CEP128: variants seen among roughly 807,000 people sequenced by gnomAD.
The protein encoded by CEP128 is centrosomal protein 128kDa.
CEP128 carries 132 observed loss-of-function variants against 156.7 expected under a neutral mutation model. The ratio of observed to expected loss-of-function variants is 0.84; its 90% CI spans 0.73 to 0.97. The LOEUF (loss-of-function observed/expected upper bound fraction) is 0.97, where lower values mean the gene tolerates loss of function less well. CEP128 is among the 50% of genes least tolerant of loss of function. The probability of loss-of-function intolerance (pLI) is 0.00; values close to 1 mark genes in which losing one functional copy is unlikely to be tolerated. For missense variants in CEP128, 1,252 were observed against 1,281.9 expected (o/e 0.98, Z 0.36); for synonymous variants, 469 against 448.9 (o/e 1.04, Z -0.57).
intron 19 of CEP128, among the ~76,000 whole-genome samples, chr14:80,645,528 G>T (rs186625602): frequency 1.3e-5 from 2 of 152,072 alleles, no homozygotes; most frequent in Non-Finnish European, 2.9e-5. Flanking sequence ...AATAGGATAC[G>T]TAAAATGGAA....
At chr14:80,824,432 T>C (rs914282679) in intron 13 of CEP128, among the ~76,000 whole-genome samples, 4 of 152,350 alleles carry the variant, frequency 2.6e-5, no homozygotes, top group East Asian at 1.9e-4. Flanking sequence ...AAATTCTCCA[T>C]ACTTTTATGC....
At chr14:80,509,405 T>A (rs1888140671) in intron 23 of CEP128, among the ~76,000 whole-genome samples, 1 of 152,256 alleles carries the variant, frequency 6.6e-6, no homozygotes, top group Non-Finnish European at 1.5e-5. Context: ...TGAGCCCATT[T>A]CCTACACCTG....
chr14:80,736,363 C>G (rs1434617515), intron 19 of CEP128, among the ~76,000 whole-genome samples: 1 of 152,064 alleles, frequency 6.6e-6, no homozygotes, highest in Non-Finnish European at 1.5e-5. Context: ...CTTTGCCTTA[C>G]TCATCTCCCT....
At chr14:80,534,999 A>T (rs376272201) in intron 21 of CEP128, among the ~76,000 whole-genome samples, 2 of 152,300 alleles carry the variant, frequency 1.3e-5, no homozygotes, top group East Asian at 3.9e-4. Flanking sequence ...CACTTCATAA[A>T]GGGCCAGTAC....
chr14:80,663,884 T>C (rs997390907), intron 19 of CEP128, among the ~76,000 whole-genome samples: 7 of 152,212 alleles, frequency 4.6e-5, no homozygotes, highest in Admixed American at 6.5e-5. Context: ...GGTTGCTCTT[T>C]ATTAATTGTT....
intron 21 of CEP128, among the ~76,000 whole-genome samples, chr14:80,531,977 A>T (rs1020611822): frequency 5.3e-5 from 8 of 152,112 alleles, no homozygotes; most frequent in African/African-American, 1.9e-4. Context: ...CAAGATTAAG[A>T]TGAGAGCTGC....
At chr14:80,719,042 A>G (rs1355022767) in intron 19 of CEP128, among the ~76,000 whole-genome samples, 1 of 152,192 alleles carries the variant, frequency 6.6e-6, no homozygotes, top group Non-Finnish European at 1.5e-5. Context: ...GGCCATCAGC[A>G]GGAACCGGCA....
At chr14:80,605,948 TTATAG>T (rs1324425140) in intron 19 of CEP128, among the ~76,000 whole-genome samples, 1 of 151,908 alleles carries the variant, frequency 6.6e-6, no homozygotes, top group African/African-American at 2.4e-5. Context: ...CAATAAAATA[TTATAG>T]TATAAACTTT....
intron 19 of CEP128, among the ~76,000 whole-genome samples, chr14:80,706,722 A>T (rs957358475): frequency 6.6e-6 from 1 of 152,062 alleles, no homozygotes; most frequent in African/African-American, 2.4e-5. Flanking sequence ...GTCCTCAAAT[A>T]TTCTTTCAGC....
intron 19 of CEP128, among the ~76,000 whole-genome samples, chr14:80,657,403 GC>G (rs1347503348): frequency 1.3e-5 from 2 of 152,036 alleles, no homozygotes; most frequent in Non-Finnish European, 2.9e-5. Context: ...TGTAATCCCA[GC>G]CCTTTGGGAG....
At chr14:80,559,595 T>C (rs774653198) in intron 20 of CEP128, among the ~76,000 whole-genome samples, 23 of 152,202 alleles carry the variant, frequency 1.5e-4, no homozygotes, top group Non-Finnish European at 3.2e-4. Context: ...AATGGTAAGA[T>C]TATTTATAAG....
chr14:80,632,669 T>C (rs1408977453), intron 19 of CEP128, among the ~76,000 whole-genome samples: 1 of 151,986 alleles, frequency 6.6e-6, no homozygotes, highest in Non-Finnish European at 1.5e-5. Flanking sequence ...TTTCTATTCT[T>C]CCATGAATGG....
chr14:80,654,642 C>G (rs1025011931), intron 19 of CEP128, among the ~76,000 whole-genome samples: 1 of 152,088 alleles, frequency 6.6e-6, no homozygotes, highest in South Asian at 2.1e-4. Context: ...AGTGCAATGT[C>G]CTTTCTTTTT....
intron 13 of CEP128, among the ~76,000 whole-genome samples, chr14:80,821,236 A>C (rs778635919): frequency 6.6e-6 from 1 of 152,224 alleles, no homozygotes; most frequent in Non-Finnish European, 1.5e-5. Context: ...AAACAATTTA[A>C]TTTGCTACTT....
chr14:80,825,915 C>T (rs1239777612), intron 13 of CEP128, among the ~76,000 whole-genome samples: 4 of 151,692 alleles, frequency 2.6e-5, no homozygotes, highest in African/African-American at 4.8e-5. Flanking sequence ...AGACCAGCCT[C>T]GCCAACATGG....
At chr14:80,896,420 T>C (rs1889353326) in intron 7 of CEP128, among the ~76,000 whole-genome samples, 1 of 152,188 alleles carries the variant, frequency 6.6e-6, no homozygotes, top group African/African-American at 2.4e-5. Context: ...TTTCCATTAT[T>C]AATTATTTTG....
At chr14:80,617,219 C>T (rs1197358718) in intron 19 of CEP128, among the ~76,000 whole-genome samples, 4,458 of 60,176 alleles carry the variant, frequency 0.074, 372 homozygotes, top group Middle Eastern at 0.18. Flanking sequence ...TGAATATCAT[C>T]TTTTTTTTTT....
chr14:80,887,994 T>G (rs1888893669), intron 8 of CEP128, among the ~76,000 whole-genome samples: 1 of 152,112 alleles, frequency 6.6e-6, no homozygotes. Flanking sequence ...GAGAATACTA[T>G]AAATACCTCT....
chr14:80,690,036 T>C (rs1896664321), intron 19 of CEP128, among the ~76,000 whole-genome samples: 1 of 152,040 alleles, frequency 6.6e-6, no homozygotes, highest in Non-Finnish European at 1.5e-5. Flanking sequence ...CCATCCATCC[T>C]GTTCTAACCC....
Sources: allele counts gnomAD v4.1 joint callset (sites outside exome capture counted in the v4.1 genomes callset), GRCh38; gene constraint gnomAD v4.1.1; transcripts MANE v1.5; gene names NCBI Gene and HGNC (gene_info 2026-07-23, HGNC 2026-07-21).